MED13L: variants seen among roughly 807,000 people sequenced by gnomAD.
MED13L encodes the protein mediator of RNA polymerase II transcription subunit 13-like.
MED13L carries 7 observed loss-of-function variants against 220.9 expected under a neutral mutation model. That is an observed-to-expected ratio of 0.03 (90% CI 0.02 to 0.06). The LOEUF (loss-of-function observed/expected upper bound fraction) is 0.06, where lower values mean the gene tolerates loss of function less well. Among genes scored for constraint, MED13L ranks in the 10% least tolerant of loss-of-function variants. The pLI, the probability that MED13L is intolerant of heterozygous loss-of-function variation, is 1.00. For missense variants in MED13L, 1,965 were observed against 2,760.5 expected, an observed-to-expected ratio of 0.71 and a Z score of 6.46; for synonymous variants, 1,011 against 1,015.2, an observed-to-expected ratio of 1.00 and a Z score of 0.08.
chr12:116,007,270 G>T, intron 11 of MED13L, 141 bp downstream of exon 11: 1 of 780,528 alleles, frequency 1.3e-6, no homozygotes, highest in Non-Finnish European at 2.2e-6. Context: ...CAATACAATA[G>T]TACCAAGAGC....
intron 2 of MED13L, among the ~76,000 whole-genome samples, chr12:116,198,572 G>T (rs17498746): frequency 0.023 from 3,432 of 152,174 alleles, 54 homozygotes; most frequent in Non-Finnish European, 0.036. Context: ...CTCCACTCAT[G>T]GGGTCAAAGG....
intron 2 of MED13L, among the ~76,000 whole-genome samples, chr12:116,159,337 G>A (rs1013182227): frequency 6.6e-6 from 1 of 152,140 alleles, no homozygotes; most frequent in African/African-American, 2.4e-5. Context: ...TTTAGAACTG[G>A]CTGTCTGCCC....
chr12:116,097,797 G>GT (rs934938831), intron 3 of MED13L, among the ~76,000 whole-genome samples: 1 of 152,122 alleles, frequency 6.6e-6, no homozygotes, highest in African/African-American at 2.4e-5. Context: ...CCCAACTCTT[G>GT]TAACAACAAT....
Position 115,970,675 on chromosome 12 carries a change from T to C in MED13L, c.5986A>G (p.Ile1996Val), listed in dbSNP as rs1272594944. 1.4e-5 allele frequency: 23 copies of C among 1,614,060 alleles called. No homozygotes were observed. Among genetic ancestry groups the C allele is most frequent in the Non-Finnish European group, 1.9e-5 (22 of 1,179,958 alleles). The change falls in exon 27 of 31, where the codon ATC becomes GTC. Residue 1996 changes from isoleucine to valine, a missense_variant. This residue lies in a region of MED13L where 145 missense variants were observed against 328.3 expected (regional missense o/e 0.44). Transcript: ENST00000281928. ...NTPQDASCTH[I>V]LVFPTSSTIQ... The stretch of plus-strand genomic sequence containing the variant: ...GTTGATGATGTTGGGAACACCAAGA[T>C]GTGTGTACAAGAAGCATCTTGAGGG...
chr12:116,217,297 G>A (rs143767467), intron 2 of MED13L, among the ~76,000 whole-genome samples: 2 of 152,292 alleles, frequency 1.3e-5, no homozygotes, highest in African/African-American at 2.4e-5. Context: ...GCAGCTATCT[G>A]GTGGTATTCA....
intron 2 of MED13L, among the ~76,000 whole-genome samples, chr12:116,195,074 C>T (rs1339378582): frequency 6.6e-6 from 1 of 152,222 alleles, no homozygotes; most frequent in African/African-American, 2.4e-5. Flanking sequence ...CTACTAACAG[C>T]TGCCTGGGGG....
chr12:116,232,036 A>G, intron 2 of MED13L: 1 of 956,154 alleles, frequency 1.0e-6, no homozygotes, highest in Non-Finnish European at 1.2e-6. Flanking sequence ...AAACAATAGT[A>G]CTAGTATCTT....
chr12:116,133,057 TAA>T (rs1290376172), intron 2 of MED13L, among the ~76,000 whole-genome samples: 1 of 152,192 alleles, frequency 6.6e-6, no homozygotes, highest in African/African-American at 2.4e-5. Flanking sequence ...TTGAAAACTA[TAA>T]GTTTGATTTA....
chr12:116,167,874 A>C (rs1383387525), intron 2 of MED13L, among the ~76,000 whole-genome samples: 2 of 152,206 alleles, frequency 1.3e-5, no homozygotes, highest in Non-Finnish European at 2.9e-5. Flanking sequence ...ATTTAATACA[A>C]ATCTATATGA....
At chr12:116,086,054 G>A (rs764734575) in intron 4 of MED13L, among the ~76,000 whole-genome samples, 2 of 152,186 alleles carry the variant, frequency 1.3e-5, no homozygotes, top group Admixed American at 6.5e-5. Flanking sequence ...ACGCTTGGGC[G>A]ATCCCTACAC....
At chr12:116,188,761 C>T (rs773514845) in intron 2 of MED13L, among the ~76,000 whole-genome samples, 43 of 152,236 alleles carry the variant, frequency 2.8e-4, no homozygotes, top group Admixed American at 2.2e-3. Flanking sequence ...TAAACCCCGA[C>T]AACTACTAAT....
intron 4 of MED13L, among the ~76,000 whole-genome samples, chr12:116,027,384 T>TGAAC (rs779587888): frequency 2.1e-3 from 323 of 152,296 alleles, no homozygotes; most frequent in Non-Finnish European, 3.3e-3. Flanking sequence ...ATCATGCCAC[T>TGAAC]GAACTCCAGC....
intron 2 of MED13L, among the ~76,000 whole-genome samples, chr12:116,210,754 C>T (rs997554505): frequency 4.0e-5 from 6 of 151,386 alleles, no homozygotes; most frequent in Non-Finnish European, 7.4e-5. Flanking sequence ...TATTTTAGCA[C>T]GCAAGCAGAA....
chr12:116,243,433 A>G (rs1435722661), intron 1 of MED13L, among the ~76,000 whole-genome samples: 1 of 152,178 alleles, frequency 6.6e-6, no homozygotes, highest in Non-Finnish European at 1.5e-5. Context: ...GGCCTAAACA[A>G]ACAGCTACTA....
chr12:116,052,256 C>T (rs1380762035), intron 4 of MED13L, among the ~76,000 whole-genome samples: 1 of 152,050 alleles, frequency 6.6e-6, no homozygotes, highest in African/African-American at 2.4e-5. Context: ...AAAGACATGA[C>T]CTTACACACA....
intron 2 of MED13L, among the ~76,000 whole-genome samples, chr12:116,166,534 A>G (rs1157783688): frequency 1.3e-5 from 2 of 152,054 alleles, no homozygotes; most frequent in Non-Finnish European, 2.9e-5. Context: ...CAGTGAGCCA[A>G]GATTGCAATG....
chr12:115,975,439 G>T (rs545136457), intron 24 of MED13L, 76 bp downstream of exon 24: 1 of 1,590,592 alleles, frequency 6.3e-7, no homozygotes, highest in Non-Finnish European at 8.6e-7. Context: ...CATTTACATA[G>T]AAAACTGGAA....
intron 3 of MED13L, among the ~76,000 whole-genome samples, chr12:116,108,626 G>T (rs1222817785): frequency 6.6e-6 from 1 of 152,050 alleles, no homozygotes; most frequent in Non-Finnish European, 1.5e-5. Context: ...AGAACAACAG[G>T]ATTAGTACCA....
chr12:116,022,358 C>T, intron 5 of MED13L, 98 bp downstream of exon 5: 2 of 1,384,860 alleles, frequency 1.4e-6, no homozygotes, highest in Non-Finnish European at 2.0e-6. Flanking sequence ...TTAAAATGTC[C>T]ATTTAAGATA....
Sources: gnomAD v4.1 joint callset for allele counts (sites outside exome capture counted in the v4.1 genomes callset) on GRCh38, gnomAD v4.1.1 for gene constraint, gnomAD v4.1.1 regional missense constraint, MANE v1.5 for transcripts, NCBI Gene and HGNC (gene_info 2026-07-23, HGNC 2026-07-21) for gene names.